Variants in NDUFB9 observed in about 807,000 individuals in gnomAD.
NDUFB9 encodes NADH dehydrogenase [ubiquinone] 1 beta subcomplex subunit 9.
Under a neutral mutation model 30.2 loss-of-function variants are expected in NDUFB9, and 24 were observed. The observed-to-expected ratio is 0.80, with a 90% confidence interval of 0.58 to 1.12. The LOEUF is 1.12. Among genes scored for constraint, NDUFB9 ranks in the 50% most tolerant of loss-of-function variants. The pLI is 0.00. For missense variants in NDUFB9, 204 were observed against 226.0 expected (o/e 0.90, Z 0.62); for synonymous variants, 80 against 84.0 (o/e 0.95, Z 0.26).
chr8:124,541,804 A>G (rs1160152548), intron 1 of NDUFB9, among the ~76,000 whole-genome samples: 1 of 151,774 alleles, frequency 6.6e-6, no homozygotes. Flanking sequence ...GGGTTTTGCC[A>G]TGTTGGCCAG....
Position 124,543,167 on chromosome 8 carries a change from C to G in NDUFB9, c.182C>G (p.Thr61Ser), listed in dbSNP as rs762235847. 2 of 1,614,208 alleles carry G rather than the reference C, an allele frequency of 1.2e-6. No homozygotes were observed. Among genetic ancestry groups the G allele is most frequent in the East Asian group, 4.5e-5 (2 of 44,876 alleles). Residue 61 changes from threonine (T) to serine (S), a missense_variant, in exon 2 of 4, where the codon ACC (threonine) becomes AGC (serine). Transcript: ENST00000276689. ...AATGAAAAGGATATGGCGAAGGCCA[C>G]CCAGCTGCTGAAGGAGGCCGAGGAA... ...HKNEKDMAKA[T>S]QLLKEAEEEF...
At chr8:124,543,493 C>T (rs1822077655) in intron 2 of NDUFB9, among the ~76,000 whole-genome samples, 1 of 152,170 alleles carries the variant, frequency 6.6e-6, no homozygotes, top group Non-Finnish European at 1.5e-5. Flanking sequence ...TGTGGCAACC[C>T]CGTGCTGAGC....
At chr8:124,542,948 T>A in intron 1 of NDUFB9, 139 bp from the exon 2 acceptor site, 1 of 808,348 alleles carries the variant, frequency 1.2e-6, no homozygotes, top group East Asian at 2.6e-5. Flanking sequence ...GCCATGATGA[T>A]ACGGCTGCTC....
At chr8:124,542,977 A>G in intron 1 of NDUFB9, 110 bp from the exon 2 acceptor site, 1 of 1,104,054 alleles carries the variant, frequency 9.1e-7, no homozygotes, top group South Asian at 1.3e-5. Context: ...GGGTTGGGGT[A>G]GGTCCACTGC....
chr8:124,542,010 G>T (rs1822013934), intron 1 of NDUFB9, among the ~76,000 whole-genome samples: 1 of 151,574 alleles, frequency 6.6e-6, no homozygotes, highest in Admixed American at 6.6e-5. Context: ...CTGCCTCCCG[G>T]GTTCAAGCTA....
chr8:124,545,365 G>A (rs949009769), intron 2 of NDUFB9, among the ~76,000 whole-genome samples: 5 of 152,036 alleles, frequency 3.3e-5, no homozygotes, highest in African/African-American at 4.8e-5. Flanking sequence ...AGTTGATGTC[G>A]CAAACCTCGT....
At chr8:124,543,902 C>CGTCT (rs1822094960) in intron 2 of NDUFB9, among the ~76,000 whole-genome samples, 1 of 152,326 alleles carries the variant, frequency 6.6e-6, no homozygotes, top group East Asian at 1.9e-4. Flanking sequence ...ATCCGTTACA[C>CGTCT]GTCTCTTCCT....
intron 3 of NDUFB9, 55 bp downstream of exon 3, chr8:124,547,168 T>G: frequency 7.3e-7 from 1 of 1,367,080 alleles, no homozygotes; most frequent in Non-Finnish European, 1.0e-6. Flanking sequence ...AGTGAAGTTT[T>G]GCTCCCCACA....
intron 3 of NDUFB9, among the ~76,000 whole-genome samples, chr8:124,547,921 G>T (rs764759375): frequency 6.6e-6 from 1 of 152,056 alleles, no homozygotes; most frequent in Non-Finnish European, 1.5e-5. Flanking sequence ...GGAGGTGGAG[G>T]TTGCAATGAG....
chr8:124,548,640 A>G (rs1197999316), intron 3 of NDUFB9, among the ~76,000 whole-genome samples: 1 of 152,138 alleles, frequency 6.6e-6, no homozygotes, highest in Non-Finnish European at 1.5e-5. Context: ...GCCTGAGGGT[A>G]TATGGTTCGG....
At chr8:124,541,047 TC>T (rs981585170) in intron 1 of NDUFB9, among the ~76,000 whole-genome samples, 1 of 152,106 alleles carries the variant, frequency 6.6e-6, no homozygotes, top group Non-Finnish European at 1.5e-5. Context: ...GTGCCTGTAA[TC>T]CCAGCTACTC....
intron 2 of NDUFB9, among the ~76,000 whole-genome samples, chr8:124,546,035 T>C (rs1160591510): frequency 1.3e-5 from 2 of 152,184 alleles, no homozygotes; most frequent in African/African-American, 4.8e-5. Context: ...AGAGACAGCG[T>C]TTCTCCATGT....
intron 1 of NDUFB9, among the ~76,000 whole-genome samples, chr8:124,539,761 G>C (rs1586708202): frequency 6.6e-6 from 1 of 152,152 alleles, no homozygotes; most frequent in South Asian, 2.1e-4. Context: ...GGTAACTTGC[G>C]CAAGGTGATA....
intron 3 of NDUFB9, 134 bp downstream of exon 3, chr8:124,547,247 T>A: frequency 1.4e-6 from 1 of 734,802 alleles, no homozygotes. Flanking sequence ...CTTTAGTATC[T>A]AAGTGTATCA....
At position 124,547,006 on chromosome 8, in the gene NDUFB9, G is replaced by C; in HGVS notation, c.301G>C (p.Glu101Gln). 1 of 1,611,098 alleles carries C rather than the reference G, an allele frequency of 6.2e-7. No homozygotes were observed. Residue 101 changes from glutamate to glutamine, a missense_variant, in exon 3 of 4, where the codon GAA (glutamate) becomes CAA (glutamine). Physicochemically the swap from Glu to Gln is conservative, Grantham distance 29. Transcript: ENST00000276689. Reference sequence around the variant, plus strand: ...TGATTTCCTCTCCTGACAGGTCCCAGAATGGTGCTTAGATGACTGGCATCC... The same window carrying C: ...TGATTTCCTCTCCTGACAGGTCCCACAATGGTGCTTAGATGACTGGCATCC... Reference protein sequence around the residue: ...YERYDCYKVPEWCLDDWHPSE... With the variant: ...YERYDCYKVPQWCLDDWHPSE...
rs1161517938 is a variant in NDUFB9 at position 124,539,224 on chromosome 8, A to G, written c.38A>G (p.Gln13Arg). ...GCGTCGGGACCCTACCTGACCCATC[A>G]GCAAAAGGTGTTGCGGCTTTATAAG... ...FLASGPYLTH[Q>R]QKVLRLYKRA... Residue 13 changes from glutamine to arginine, a missense_variant, in exon 1 of 4, where the codon CAG becomes CGG. By Grantham distance (43) the Gln-to-Arg change is conservative. Coordinates refer to ENST00000276689, the MANE Select transcript of NDUFB9 (RefSeq NM_005005.3). The G allele has an allele frequency of 1.2e-6, 2 of 1,614,078 alleles. No homozygotes were observed. The highest frequency in any genetic ancestry group is 4.5e-5 in the East Asian group (2 of 44,892).
intron 1 of NDUFB9, among the ~76,000 whole-genome samples, chr8:124,540,615 C>T (rs1273723946): frequency 6.6e-6 from 1 of 152,148 alleles, no homozygotes; most frequent in Non-Finnish European, 1.5e-5. Context: ...TGAACTATAG[C>T]TGGGAATACT....
At chr8:124,539,955 A>C (rs1821868597) in intron 1 of NDUFB9, among the ~76,000 whole-genome samples, 1 of 152,196 alleles carries the variant, frequency 6.6e-6, no homozygotes, top group Non-Finnish European at 1.5e-5. Flanking sequence ...CTAGTCTGAG[A>C]ACATAGTGTT....
At chr8:124,539,420 C>T in intron 1 of NDUFB9, 133 bp downstream of exon 1, 1 of 785,476 alleles carries the variant, frequency 1.3e-6, no homozygotes, top group East Asian at 2.7e-5. Flanking sequence ...TCACAGAATC[C>T]TATGGTAGAC....
Sources: allele counts gnomAD v4.1 joint callset (sites outside exome capture counted in the v4.1 genomes callset), GRCh38; gene constraint gnomAD v4.1.1; transcripts MANE v1.5; gene names NCBI Gene and HGNC (gene_info 2026-07-23, HGNC 2026-07-21).